The following RSF1 variants were observed in gnomAD, a reference collection of about 807,000 sequenced individuals.
The protein encoded by RSF1 is remodeling and spacing factor 1.
In RSF1, 13 loss-of-function variants were observed where a neutral mutation model predicts 145.2. The observed-to-expected ratio is 0.09, with a 90% CI of 0.06 to 0.14. RSF1 has a LOEUF of 0.14. RSF1 is among the 10% of genes least tolerant of loss of function. The probability of loss-of-function intolerance (pLI) is 1.00; values close to 1 mark genes in which losing one functional copy is unlikely to be tolerated. For synonymous variants in RSF1, 577 were observed against 592.6 expected (o/e 0.97, Z 0.38); for missense variants, 1,517 against 1,718.2 (o/e 0.88, Z 2.07).
intron 4 of RSF1, among the ~76,000 whole-genome samples, chr11:77,728,874 A>AAC (rs1303524890): frequency 7.2e-5 from 11 of 151,958 alleles, no homozygotes; most frequent in Non-Finnish European, 1.2e-4. Context: ...TGTAAAAAAA[A>AAC]AAAACTGCTC....
At chr11:77,821,180 C>T (rs944550716), upstream of RSF1, 4 of 359,066 alleles carry the variant, frequency 1.1e-5, no homozygotes, top group African/African-American at 8.4e-5. Context: ...GCGCTGGGAG[C>T]GTAAGTGCGG....
At chr11:77,675,801 C>T (rs1008516774) in intron 13 of RSF1, among the ~76,000 whole-genome samples, 3 of 152,206 alleles carry the variant, frequency 2.0e-5, no homozygotes, top group Admixed American at 6.5e-5. Context: ...GGTCTCATTT[C>T]CCCTCAATCT....
chr11:77,748,805 C>A (rs999351636), intron 2 of RSF1, among the ~76,000 whole-genome samples: 1 of 152,170 alleles, frequency 6.6e-6, no homozygotes, highest in Non-Finnish European at 1.5e-5. Context: ...AGCCATTACA[C>A]TCCTAAGTAT....
At position 77,820,688 on chromosome 11, in the gene RSF1, C is replaced by T; in HGVS notation, c.27G>A (p.Ala9=). 1.3e-6 allele frequency: 2 copies of T among 1,552,040 alleles called. No homozygotes were observed. The highest frequency in any genetic ancestry group is 8.7e-7 in the Non-Finnish European group (1 of 1,149,242). The change falls in exon 1 of 16, where the codon GCG becomes GCA. Residue 9 remains alanine (A), a synonymous_variant. Coordinates refer to ENST00000308488, the MANE Select transcript of RSF1 (RefSeq NM_016578.4). ...CCGGGCAGCCCGGAGGAGCCATCAC[C>T]GCCGCCGCTGCCGCCGCCGTCGCCA... MATAAAAA[A]VMAPPGCPGS...
chr11:77,758,300 C>T (rs139679747), intron 2 of RSF1, among the ~76,000 whole-genome samples: 12 of 152,258 alleles, frequency 7.9e-5, no homozygotes, highest in African/African-American at 2.9e-4. Context: ...AAGTCCAATT[C>T]ATCTTTCTTT....
chr11:77,813,368 T>C, intron 1 of RSF1: 1 of 995,446 alleles, frequency 1.0e-6, no homozygotes, highest in Non-Finnish European at 1.6e-6. Flanking sequence ...CTCAAACTGA[T>C]GGAAGCAATC....
At chr11:77,750,170 C>A (rs190472722) in intron 2 of RSF1, among the ~76,000 whole-genome samples, 4 of 151,448 alleles carry the variant, frequency 2.6e-5, no homozygotes, top group Admixed American at 2.0e-4. Flanking sequence ...AAAATGAACA[C>A]TGCAAATAAA....
At chr11:77,848,952 G>A in the RSF1 span, among the ~76,000 whole-genome samples, 3 of 151,920 alleles carry the variant, frequency 2.0e-5, no homozygotes, top group Non-Finnish European at 4.4e-5. Flanking sequence ...CACAATGCCT[G>A]GCTAATTTAT....
At chr11:77,832,615 C>T in the RSF1 span, among the ~76,000 whole-genome samples, 128 of 152,020 alleles carry the variant, frequency 8.4e-4, no homozygotes, top group Middle Eastern at 6.8e-3. Flanking sequence ...CATGAGCCAC[C>T]GCGCCTGGCC....
intron 2 of RSF1, among the ~76,000 whole-genome samples, chr11:77,759,808 C>T (rs899006607): frequency 1.3e-5 from 2 of 149,938 alleles, no homozygotes; most frequent in African/African-American, 4.9e-5. Context: ...GAGTAATTCA[C>T]CATTCTATGA....
chr11:77,704,402 T>C lies in RSF1; in HGVS notation c.734-1907A>G, dbSNP rs566362269. On this transcript the variant is annotated intron_variant, in intron 5 of 15. Transcript: ENST00000308488. The stretch of plus-strand genomic sequence containing the variant: ...AAGTTAATATTTTTTATCCCTATTC[T>C]ATGGTTCAGAAAGTATCTAAAGATT... Among the ~76,000 whole-genome samples the C allele has an allele frequency of 3.9e-5, 6 of 152,342 alleles. No homozygotes were observed. In the East Asian group the frequency reaches 7.7e-4, roughly 20 times the overall value.
chr11:77,820,109 G>A (rs1424704340), intron 1 of RSF1, among the ~76,000 whole-genome samples: 1 of 152,184 alleles, frequency 6.6e-6, no homozygotes, highest in African/African-American at 2.4e-5. Flanking sequence ...TGGGAGGAGG[G>A]GAGGGAGTAA....
At chr11:77,795,534 G>A (rs1478712286) in intron 1 of RSF1, among the ~76,000 whole-genome samples, 4 of 152,080 alleles carry the variant, frequency 2.6e-5, no homozygotes, top group Non-Finnish European at 4.4e-5. Context: ...ACAGACCAAT[G>A]AAACAGAATA....
chr11:77,688,457 T>C (rs1047923905), intron 9 of RSF1, among the ~76,000 whole-genome samples: 1 of 152,246 alleles, frequency 6.6e-6, no homozygotes, highest in Non-Finnish European at 1.5e-5. Flanking sequence ...CTAGTTTTTA[T>C]TCGTGATTTA....
At chr11:77,690,841 G>A (rs1960133978) in intron 9 of RSF1, 1 of 298,684 alleles carries the variant, frequency 3.3e-6, no homozygotes, top group African/African-American at 2.2e-5. Context: ...GCTGTCACAG[G>A]GCAAAAGTAG....
intron 14 of RSF1, among the ~76,000 whole-genome samples, chr11:77,674,008 A>C (rs954589257): frequency 6.6e-6 from 1 of 152,222 alleles, no homozygotes; most frequent in Admixed American, 6.5e-5. Context: ...ATAAAGAATA[A>C]TATGGAGATA....
rs757424846 is a variant in RSF1 at position 77,702,175 on chromosome 11, C to T, written c.1054G>A (p.Glu352Lys). The T allele has an allele frequency of 1.1e-5, 17 of 1,613,914 alleles. No individual in the cohort carries two copies. The highest frequency in any genetic ancestry group is 7.7e-5 in the South Asian group (7 of 91,066). The change falls in exon 6 of 16, where the codon GAA becomes AAA. Residue 352 changes from glutamate (E) to lysine (K), a missense_variant. Transcript: ENST00000308488. The stretch of plus-strand genomic sequence containing the variant: ...GAAGATTTAATATTGCCACCAAATT[C>T]GATCCTTTCAGGCTCCTGTGCCACT... ...KPVAQEPERI[E>K]FGGNIKSSHE...
the RSF1 span, among the ~76,000 whole-genome samples, chr11:77,832,475 C>T: frequency 2.9e-3 from 437 of 151,782 alleles, 5 homozygotes; most frequent in African/African-American, 0.01. Context: ...TACAGGCATG[C>T]GCCACCATGC....
the RSF1 span, chr11:77,869,801 T>C: frequency 6.2e-7 from 1 of 1,613,886 alleles, no homozygotes; most frequent in Non-Finnish European, 8.5e-7. Flanking sequence ...GGCCGAGGGA[T>C]GAGTGAGGCC....
Sources: gnomAD v4.1 joint callset for allele counts (sites outside exome capture counted in the v4.1 genomes callset) on GRCh38, gnomAD v4.1.1 for gene constraint, MANE v1.5 for transcripts, NCBI Gene and HGNC (gene_info 2026-07-23, HGNC 2026-07-21) for gene names.